ST3GAL4: variants seen among roughly 807,000 people sequenced by gnomAD.
ST3GAL4 encodes the protein ST3 beta-galactoside alpha-2,3-sialyltransferase 4.
A neutral mutation model predicts 42.6 loss-of-function variants in ST3GAL4; 24 were observed. The observed-to-expected ratio is 0.56, with a 90% CI of 0.41 to 0.79. The LOEUF is 0.79. ST3GAL4 is among the 30% of genes least tolerant of loss of function. ST3GAL4 has a pLI of 0.00. For synonymous variants in ST3GAL4, 135 were observed against 163.2 expected (o/e 0.83, Z 1.32); for missense variants, 311 against 430.8 (o/e 0.72, Z 2.46).
At chr11:126,407,844 A>G (rs991506658) in intron 6 of ST3GAL4, among the ~76,000 whole-genome samples, 1 of 151,504 alleles carries the variant, frequency 6.6e-6, no homozygotes, top group Non-Finnish European at 1.5e-5. Context: ...GGCGTTTCTC[A>G]TTGATACACC....
chr11:126,360,982 C>G (rs1450061040), intron 1 of ST3GAL4, among the ~76,000 whole-genome samples: 1 of 152,206 alleles, frequency 6.6e-6, no homozygotes, highest in Non-Finnish European at 1.5e-5. Context: ...CTGTTCAGAC[C>G]TCAGAGAGGC....
intron 1 of ST3GAL4, among the ~76,000 whole-genome samples, chr11:126,402,520 A>G (rs1954052382): frequency 6.6e-6 from 1 of 151,574 alleles, no homozygotes; most frequent in Non-Finnish European, 1.5e-5. Flanking sequence ...GCTTGTGATC[A>G]CAGAACCAGC....
chr11:126,361,325 A>AT (rs11423373), intron 1 of ST3GAL4, among the ~76,000 whole-genome samples: 4,395 of 148,420 alleles, frequency 0.03, 218 homozygotes, highest in African/African-American at 0.1. Context: ...TTCCACTTCA[A>AT]TTTTTTTTTG....
chr11:126,401,992 A>G (rs1461590494), intron 1 of ST3GAL4, among the ~76,000 whole-genome samples: 1 of 150,310 alleles, frequency 6.7e-6, no homozygotes, highest in Non-Finnish European at 1.5e-5. Flanking sequence ...AGAATAGAGA[A>G]GGAGAGGTGG....
rs1335743271 is a variant in ST3GAL4 at position 126,366,235 on chromosome 11, G to T, written c.-61+10393G>T. Among the ~76,000 whole-genome samples, 3 of 152,190 alleles carry T rather than the reference G, an allele frequency of 2.0e-5. No homozygotes were observed. Among genetic ancestry groups the T allele is most frequent in the African/African-American group, 7.2e-5 (3 of 41,446 alleles). On this transcript the variant is annotated intron_variant, in intron 1 of 10. Transcript: ENST00000444328. This position sits in a 1 kb window ranked among gnomAD's most constrained non-coding sequence, Gnocchi z 4.2. ...ACCCAGTGGGCCTGGGGGAGGTAAA[G>T]CAGCAGCAGCTGCTGTAGCTGAGCC...
intron 1 of ST3GAL4, among the ~76,000 whole-genome samples, chr11:126,395,300 C>A (rs1393645849): frequency 1.3e-5 from 2 of 152,116 alleles, no homozygotes; most frequent in Admixed American, 6.5e-5. Flanking sequence ...AGAGAAACAT[C>A]TTTGCAAGCA....
intron 1 of ST3GAL4, among the ~76,000 whole-genome samples, chr11:126,405,252 C>T (rs1470487076): frequency 1.3e-5 from 2 of 152,264 alleles, no homozygotes; most frequent in Non-Finnish European, 2.9e-5. Context: ...TCTGCAGTGA[C>T]TGCAGCGTGG....
At position 126,363,772 on chromosome 11, in the gene ST3GAL4, T is replaced by C. The variant is rs1484662076; in HGVS notation, c.-61+7930T>C. ...AGCTCTTTCTCCCAGGGGAAGCTGC[T>C]CGAATGAGGGGAGTTGGCCAACACA... On this transcript the variant is annotated intron_variant, in intron 1 of 10. Coordinates refer to ENST00000444328, the MANE Select transcript of ST3GAL4 (RefSeq NM_001254757.2). This position sits in a 1 kb window ranked among gnomAD's most constrained non-coding sequence, Gnocchi z 4.6. Among the ~76,000 whole-genome samples the C allele has an allele frequency of 2.0e-5, 3 of 152,136 alleles. No homozygotes were observed. The South Asian group carries it at 6.2e-4, about 32-fold the overall frequency.
chr11:126,395,845 T>C (rs1349222402), intron 1 of ST3GAL4, among the ~76,000 whole-genome samples: 1 of 152,286 alleles, frequency 6.6e-6, no homozygotes, highest in Non-Finnish European at 1.5e-5. Context: ...TGCATGTCTT[T>C]ATCAGCAGCA....
Position 126,406,992 on chromosome 11 carries a change from G to A in ST3GAL4, c.151G>A (p.Ala51Thr). The A allele has an allele frequency of 1.9e-6, 3 of 1,614,064 alleles. No individual in the cohort carries two copies. Among genetic ancestry groups the A allele is most frequent in the Non-Finnish European group, 2.5e-6 (3 of 1,180,008 alleles). ...GAAGGAGCCGTGCCTCCAGGGTGAG[G>A]CAGAGAGCAAGGCCTCTAAGCTCTT... is the stretch of plus-strand genomic sequence containing the variant. ...EKKEPCLQGEAESKASKLFGN... is the reference protein window; with the variant it reads ...EKKEPCLQGETESKASKLFGN... Residue 51 changes from alanine to threonine, a missense_variant, in exon 4 of 11, where the codon GCA (alanine) becomes ACA (threonine). Coordinates refer to ENST00000444328, the MANE Select transcript of ST3GAL4 (RefSeq NM_001254757.2). The surrounding 1 kb of genome is among the most constrained non-coding windows in gnomAD (Gnocchi z 5.4).
rs1355366822 is a variant in ST3GAL4, at chr11:126,400,581, G to A, written c.-60-5515G>A. ...AGTTCTCATGGCCGCAGACTGAAGG[G>A]GCCTGGTTACCTAAGGGACCTTGGC... On this transcript the variant is annotated intron_variant, in intron 1 of 10. Transcript: ENST00000444328. This position sits in a 1 kb window ranked among gnomAD's most constrained non-coding sequence, Gnocchi z 4.6. Among the ~76,000 whole-genome samples the A allele has an allele frequency of 6.6e-6, 1 of 152,200 alleles. No individual in the cohort carries two copies. The highest frequency in any genetic ancestry group is 1.5e-5 in the Non-Finnish European group (1 of 68,040).
Position 126,379,708 on chromosome 11 carries a change from C to T in ST3GAL4, c.-61+23866C>T, listed in dbSNP as rs1163005131. On this transcript the variant is annotated intron_variant, in intron 1 of 10. Coordinates refer to ENST00000444328, the MANE Select transcript of ST3GAL4 (RefSeq NM_001254757.2). The surrounding 1 kb of genome is among the most constrained non-coding windows in gnomAD (Gnocchi z 4.2). ...GGCCAGGCTGGTCTCAAACTCCTGA[C>T]CTTAGGCGATCCAACCACCTTGGCC... 6.6e-6 allele frequency among the ~76,000 whole-genome samples: 1 copy of T among 151,952 alleles called. No individual in the cohort carries two copies. The highest frequency in any genetic ancestry group is 1.5e-5 in the Non-Finnish European group (1 of 68,002).
At chr11:126,388,323 T>A (rs1426219895) in intron 1 of ST3GAL4, among the ~76,000 whole-genome samples, 5 of 152,132 alleles carry the variant, frequency 3.3e-5, no homozygotes, top group Non-Finnish European at 5.9e-5. Context: ...CTATTTTTAT[T>A]TTATTTCTTT....
At chr11:126,357,682 C>G (rs1200041019) in intron 1 of ST3GAL4, among the ~76,000 whole-genome samples, 8 of 152,226 alleles carry the variant, frequency 5.3e-5, no homozygotes, top group Admixed American at 5.2e-4. Context: ...CCTTCCCCAG[C>G]AGGAGCAGAG....
intron 1 of ST3GAL4, among the ~76,000 whole-genome samples, chr11:126,358,850 C>T (rs886724910): frequency 2.0e-5 from 3 of 152,204 alleles, no homozygotes; most frequent in African/African-American, 7.2e-5. Flanking sequence ...TATACTGAAG[C>T]CCTGGGTGCC....
In ST3GAL4 at chr11:126,384,869, G is replaced by C. The variant is rs1282889557; in HGVS notation, c.-60-21227G>C. On this transcript the variant is annotated intron_variant, in intron 1 of 10. Transcript: ENST00000444328. The surrounding 1 kb of genome is among the most constrained non-coding windows in gnomAD (Gnocchi z 5.5). ...AGAGGTGAGTGTGATTGTGGTAGTGGTGGGGGCAGTGGCTGAGGACCCCTC... is the reference window on the plus strand; with the variant it reads ...AGAGGTGAGTGTGATTGTGGTAGTGCTGGGGGCAGTGGCTGAGGACCCCTC... 1 of 985,254 alleles carries C rather than the reference G, an allele frequency of 1.0e-6. No homozygotes were observed. The highest frequency in any genetic ancestry group is 1.2e-6 in the Non-Finnish European group (1 of 829,924). 61.0% of individuals were successfully genotyped at this position (985,254 alleles called of 1,614,324 possible). A position where few individuals can be genotyped will look rare whatever the true frequency, so the allele number is the denominator to read the frequency against.
intron 1 of ST3GAL4, among the ~76,000 whole-genome samples, chr11:126,374,053 T>TTGTCA (rs1328706708): frequency 1.4e-4 from 22 of 151,974 alleles, no homozygotes; most frequent in Non-Finnish European, 2.2e-4. Context: ...ACATGGGTAA[T>TTGTCA]ACAGCAGCAA....
rs900161933 is a variant in ST3GAL4, at chr11:126,398,342, A to G, written c.-60-7754A>G. On this transcript the variant is annotated intron_variant, in intron 1 of 10. Coordinates refer to ENST00000444328, the MANE Select transcript of ST3GAL4 (RefSeq NM_001254757.2). The surrounding 1 kb of genome is among the most constrained non-coding windows in gnomAD (Gnocchi z 4.7). Reference sequence around the variant, plus strand: ...AGCAGGGGGAACAATACCAAATCCCAACTTGACAATAATCTTCTTTGACTC... The same window carrying G: ...AGCAGGGGGAACAATACCAAATCCCGACTTGACAATAATCTTCTTTGACTC... 1.2e-4 allele frequency among the ~76,000 whole-genome samples: 19 copies of G among 152,240 alleles called. No homozygotes were observed. The highest frequency in any genetic ancestry group is 4.6e-4 in the African/African-American group (19 of 41,458).
At position 126,414,091 on chromosome 11, in the gene ST3GAL4, T is replaced by C; in HGVS notation, c.*44T>C. 6.2e-7 allele frequency: 1 copy of C among 1,601,082 alleles called. No individual in the cohort carries two copies. On this transcript the variant is annotated 3_prime_UTR_variant, in exon 11 of 11. Transcript: ENST00000444328. ...CCTGTCGGTTGCCTACTCTGCTGTCTGGGTGACCCCCATGCGTGGCTGTGG... is the reference window on the plus strand; with the variant it reads ...CCTGTCGGTTGCCTACTCTGCTGTCCGGGTGACCCCCATGCGTGGCTGTGG...
Sources: gnomAD v4.1 joint callset for allele counts (sites outside exome capture counted in the v4.1 genomes callset) on GRCh38, gnomAD v4.1.1 for gene constraint, Gnocchi (gnomAD v3.1) non-coding constraint, MANE v1.5 for transcripts, NCBI Gene and HGNC (gene_info 2026-07-23, HGNC 2026-07-21) for gene names.